Variants in ELOVL2 observed in about 807,000 individuals in gnomAD.
ELOVL2 encodes the protein ELOVL fatty acid elongase 2.
In ELOVL2, 38 loss-of-function variants were observed where a neutral mutation model predicts 37.7. The observed-to-expected ratio is 1.01, with a 90% CI of 0.78 to 1.32. The LOEUF is 1.32. ELOVL2 is among the 40% of genes most tolerant of loss of function. The probability of loss-of-function intolerance (pLI) is 0.00; values close to 1 mark genes in which losing one functional copy is unlikely to be tolerated. For missense variants in ELOVL2, 352 were observed against 363.6 expected (o/e 0.97, Z 0.26); for synonymous variants, 115 against 122.3 (o/e 0.94, Z 0.40).
intron 1 of ELOVL2, among the ~76,000 whole-genome samples, chr6:11,030,990 C>G (rs1284712731): frequency 2.6e-5 from 4 of 152,134 alleles, no homozygotes. Context: ...CAGATATTCA[C>G]AAGCAAAAAT....
In ELOVL2 at chr6:10,981,876, C is replaced by T; in HGVS notation, c.*1905G>A. 6.6e-6 allele frequency: 1 copy of T among 152,196 alleles called. No homozygotes were observed. Among genetic ancestry groups the T allele is most frequent in the East Asian group, 1.9e-4 (1 of 5,200 alleles). The allele number at this position is 152,196 out of a possible 1,614,324, so 9.4% of individuals were successfully genotyped here. On this transcript the variant is annotated 3_prime_UTR_variant, in exon 8 of 8. Transcript: ENST00000354666. ...TAAACTGAACTAGGGTCCAGTTTCT[C>T]CAAAGGGCTTTCTCCTTGGTCCAAC...
At chr6:10,996,325 G>T (rs1278663563) in intron 4 of ELOVL2, among the ~76,000 whole-genome samples, 1 of 152,146 alleles carries the variant, frequency 6.6e-6, no homozygotes, top group East Asian at 1.9e-4. Context: ...GGTATGCACT[G>T]GTTTGTGGTA....
chr6:11,033,678 T>G (rs1360224656), intron 1 of ELOVL2, among the ~76,000 whole-genome samples: 5 of 152,192 alleles, frequency 3.3e-5, no homozygotes, highest in Non-Finnish European at 5.9e-5. Flanking sequence ...GATTTTCAAT[T>G]TTCACTGATT....
intron 1 of ELOVL2, among the ~76,000 whole-genome samples, chr6:11,042,628 C>G (rs904704984): frequency 1.3e-5 from 2 of 151,828 alleles, no homozygotes; most frequent in Non-Finnish European, 2.9e-5. Context: ...CACTCTGATG[C>G]CAAGGTGCAA....
Position 11,044,192 on chromosome 6 carries a change from G to C in ELOVL2, c.3+36C>G. 1 of 1,454,482 alleles carries C rather than the reference G, an allele frequency of 6.9e-7. No individual in the cohort carries two copies. Among genetic ancestry groups the C allele is most frequent in the Non-Finnish European group, 9.1e-7 (1 of 1,101,798 alleles). The allele number at this position is 1,454,482 out of a possible 1,614,324, so 90.1% of individuals were successfully genotyped here. A position where few individuals can be genotyped will look rare whatever the true frequency, so the allele number is the denominator to read the frequency against. ...CGTGGGTCCAGGAGAGAAAGAAAGC[G>C]CGGCGGTGTCGGTGGCGGCGCGCGG... On this transcript the variant is annotated intron_variant, in intron 1 of 7. Transcript: ENST00000354666. This position sits in a 1 kb window ranked among gnomAD's most constrained non-coding sequence, Gnocchi z 5.6.
At chr6:11,006,689 CTTATT>C (rs1417481489) in intron 2 of ELOVL2, among the ~76,000 whole-genome samples, 2 of 152,208 alleles carry the variant, frequency 1.3e-5, no homozygotes, top group African/African-American at 4.8e-5. Context: ...TGTCCCATCA[CTTATT>C]TTATAAATAT....
At chr6:11,021,529 G>A (rs1020841506) in intron 1 of ELOVL2, among the ~76,000 whole-genome samples, 3 of 152,090 alleles carry the variant, frequency 2.0e-5, no homozygotes, top group Non-Finnish European at 2.9e-5. Flanking sequence ...AAGAGTGTAG[G>A]AGAGTAGGAA....
intron 1 of ELOVL2, among the ~76,000 whole-genome samples, chr6:11,019,830 G>A (rs567619613): frequency 2.7e-5 from 4 of 149,954 alleles, no homozygotes; most frequent in African/African-American, 7.4e-5. Flanking sequence ...TGCAACCTCC[G>A]CCTCCTGCAT....
At position 10,982,819 on chromosome 6, in the gene ELOVL2, C is replaced by CA. The variant is rs1358325669; in HGVS notation, c.*961dup. 1 of 152,168 alleles carries CA rather than the reference C, an allele frequency of 6.6e-6. No homozygotes were observed. Among genetic ancestry groups the CA allele is most frequent in the African/African-American group, 2.4e-5 (1 of 41,448 alleles). The allele number at this position is 152,168 out of a possible 1,614,324, so 9.4% of individuals were successfully genotyped here. On this transcript the variant is annotated 3_prime_UTR_variant, in exon 8 of 8. Transcript: ENST00000354666. ...GAGGTAATATTCACAAGTAGGCTCA[C>CA]AAAAAAGAGTTGACGAATTCAGTGC...
rs1026738107 is a variant in ELOVL2, at chr6:11,044,272, A to C, written c.-42T>G. 3 of 1,315,164 alleles carry C rather than the reference A, an allele frequency of 2.3e-6. No individual in the cohort carries two copies. Among genetic ancestry groups the C allele is most frequent in the Non-Finnish European group, 2.9e-6 (3 of 1,034,734 alleles). The allele number at this position is 1,315,164 out of a possible 1,614,324, so 81.5% of individuals were successfully genotyped here. A position where few individuals can be genotyped will look rare whatever the true frequency, so the allele number is the denominator to read the frequency against. ...GGCGCGGCGACCCGGGCGGGCGGCGATGCGCTGTCCAGGGTAGCCGGGTCC... is the reference window on the plus strand; with the variant it reads ...GGCGCGGCGACCCGGGCGGGCGGCGCTGCGCTGTCCAGGGTAGCCGGGTCC... On this transcript the variant is annotated 5_prime_UTR_variant, in exon 1 of 8. Transcript: ENST00000354666. The surrounding 1 kb of genome is among the most constrained non-coding windows in gnomAD (Gnocchi z 5.6).
intron 4 of ELOVL2, among the ~76,000 whole-genome samples, chr6:10,999,682 T>G (rs1782343222): frequency 6.6e-6 from 1 of 152,174 alleles, no homozygotes; most frequent in Non-Finnish European, 1.5e-5. Context: ...CAGAAACACT[T>G]TTTATTAGCT....
chr6:11,023,599 T>G (rs1407439993), intron 1 of ELOVL2, among the ~76,000 whole-genome samples: 1 of 152,202 alleles, frequency 6.6e-6, no homozygotes, highest in Admixed American at 6.5e-5. Flanking sequence ...CTATTTTATA[T>G]TTTCCTTCTT....
chr6:11,033,813 T>C (rs955240638), intron 1 of ELOVL2, among the ~76,000 whole-genome samples: 9 of 152,182 alleles, frequency 5.9e-5, no homozygotes, highest in Admixed American at 2.0e-4. Context: ...ATGACAGGAA[T>C]ATGAGAATTT....
In ELOVL2 at chr6:10,982,278, T is replaced by C. The variant is rs1781949422; in HGVS notation, c.*1503A>G. The C allele has an allele frequency of 6.6e-6, 1 of 151,858 alleles. No individual in the cohort carries two copies. The allele number at this position is 151,858 out of a possible 1,614,324, so 9.4% of individuals were successfully genotyped here. The stretch of plus-strand genomic sequence containing the variant: ...TTTTTAACAGGAGAAAGTTTAAAAC[T>C]AGAGCTCAGGGGGGAAAAAAAGCCG... On this transcript the variant is annotated 3_prime_UTR_variant, in exon 8 of 8. Transcript: ENST00000354666.
At chr6:11,033,958 G>A (rs1245251358) in intron 1 of ELOVL2, among the ~76,000 whole-genome samples, 3 of 152,154 alleles carry the variant, frequency 2.0e-5, no homozygotes, top group Non-Finnish European at 4.4e-5. Context: ...AGTTTTGAGT[G>A]TTTACTATCA....
intron 7 of ELOVL2, among the ~76,000 whole-genome samples, chr6:10,986,830 C>T (rs1312345116): frequency 6.6e-6 from 1 of 152,126 alleles, no homozygotes; most frequent in East Asian, 1.9e-4. Flanking sequence ...TGTGTCTCTG[C>T]CTGGCTTTGG....
chr6:11,034,017 T>C (rs145662555), intron 1 of ELOVL2, among the ~76,000 whole-genome samples: 11 of 152,346 alleles, frequency 7.2e-5, no homozygotes, highest in Non-Finnish European at 1.6e-4. Flanking sequence ...ATGAGAATAC[T>C]GATATTCAAA....
intron 1 of ELOVL2, among the ~76,000 whole-genome samples, chr6:11,011,722 C>T (rs565235703): frequency 5.3e-5 from 8 of 152,160 alleles, no homozygotes; most frequent in Admixed American, 2.6e-4. Flanking sequence ...TGGGTACACC[C>T]GATTAATTAT....
At chr6:11,011,313 C>A (rs527358972) in intron 1 of ELOVL2, among the ~76,000 whole-genome samples, 27 of 151,482 alleles carry the variant, frequency 1.8e-4, no homozygotes, top group South Asian at 1.5e-3. Flanking sequence ...TTGCAGTGAG[C>A]CGAGATCACG....
Sources: allele counts gnomAD v4.1 joint callset (sites outside exome capture counted in the v4.1 genomes callset), GRCh38; gene constraint gnomAD v4.1.1; non-coding constraint Gnocchi (gnomAD v3.1); transcripts MANE v1.5; gene names NCBI Gene and HGNC (gene_info 2026-07-23, HGNC 2026-07-21).